The following PRDM16 variants were observed in gnomAD, a reference collection of about 807,000 sequenced individuals.
PRDM16 encodes the protein histone-lysine N-methyltransferase PRDM16.
PRDM16 carries 23 observed loss-of-function variants against 110.6 expected under a neutral mutation model. That is an observed-to-expected ratio of 0.21 (90% CI 0.15 to 0.29). The LOEUF is 0.29. PRDM16 is among the 10% of genes least tolerant of loss of function. The pLI, the probability that PRDM16 is intolerant of heterozygous loss-of-function variation, is 1.00. For synonymous variants in PRDM16, 799 were observed against 781.8 expected, an observed-to-expected ratio of 1.02 and a Z score of -0.37; for missense variants, 1,615 against 1,794.3, an observed-to-expected ratio of 0.90 and a Z score of 1.81.
At position 3,143,991 on chromosome 1, in the gene PRDM16, C is replaced by T. The variant is rs780899023; in HGVS notation, c.38-42134C>T. Among the ~76,000 whole-genome samples the T allele has an allele frequency of 1.5e-4, 23 of 152,202 alleles. No homozygotes were observed. Among genetic ancestry groups the T allele is most frequent in the Admixed American group, 5.9e-4 (9 of 15,280 alleles). On this transcript the variant is annotated intron_variant, in intron 1 of 16. Coordinates refer to ENST00000270722, the MANE Select transcript of PRDM16 (RefSeq NM_022114.4). This position sits in a 1 kb window ranked among gnomAD's most constrained non-coding sequence, Gnocchi z 4.5. ...GAAGATGCTAAGGGGTCCTCTTTGCCGCCTGTGAAGACAGCTGCGTGGCCA... is the reference window on the plus strand; with the variant it reads ...GAAGATGCTAAGGGGTCCTCTTTGCTGCCTGTGAAGACAGCTGCGTGGCCA...
intron 3 of PRDM16, among the ~76,000 whole-genome samples, chr1:3,338,743 G>A (rs560116957): frequency 6.6e-6 from 1 of 152,366 alleles, no homozygotes; most frequent in South Asian, 2.1e-4. Flanking sequence ...AGCCCCAGAG[G>A]CAGCCAGGAC....
intron 1 of PRDM16, among the ~76,000 whole-genome samples, chr1:3,155,461 G>A (rs1225057576): frequency 6.6e-6 from 1 of 152,194 alleles, no homozygotes; most frequent in African/African-American, 2.4e-5. Flanking sequence ...TTGCACCGTG[G>A]TGTTCTCTGA....
Position 3,200,220 on chromosome 1 carries a change from G to C in PRDM16, c.387+13746G>C, listed in dbSNP as rs141755453. On this transcript the variant is annotated intron_variant, in intron 2 of 16. Transcript: ENST00000270722. ...CAAGGGCCTGGGGAGAGGGGCCTGG[G>C]GGTCTGGCCTGCCGGCCGAGGCTGC... Among the ~76,000 whole-genome samples the C allele has an allele frequency of 3.3e-5, 5 of 152,386 alleles. No homozygotes were observed. The East Asian group carries it at 9.7e-4, about 29-fold the overall frequency.
chr1:3,188,648 G>T (rs886268035), intron 2 of PRDM16, among the ~76,000 whole-genome samples: 2 of 152,238 alleles, frequency 1.3e-5, no homozygotes, highest in South Asian at 4.1e-4. Context: ...GCACCCGGCA[G>T]GATCTCGCCT....
rs570413433 is a variant in PRDM16, at chr1:3,188,018, G to A, written c.387+1544G>A. On this transcript the variant is annotated intron_variant, in intron 2 of 16. Transcript: ENST00000270722. ...TTCGGGAGAGACTGGCCAGGGCCAG[G>A]GGCCCCAGTGAAGCAGGACAGGGAG... 1.3e-3 allele frequency among the ~76,000 whole-genome samples: 201 copies of A among 152,332 alleles called. 1 individual carries two copies. The highest frequency in any genetic ancestry group is 2.3e-3 in the Non-Finnish European group (159 of 68,030).
intron 3 of PRDM16, among the ~76,000 whole-genome samples, chr1:3,369,774 T>C (rs1642877845): frequency 6.6e-6 from 1 of 152,184 alleles, no homozygotes; most frequent in Non-Finnish European, 1.5e-5. Flanking sequence ...GAAACCAGAG[T>C]TGGCTATTTG....
intron 2 of PRDM16, among the ~76,000 whole-genome samples, chr1:3,225,648 CTTATT>C (rs1321404995): frequency 6.6e-6 from 1 of 151,504 alleles, no homozygotes; most frequent in Admixed American, 6.6e-5. Flanking sequence ...AGAATTCTAA[CTTATT>C]TTGGCGTGGA....
intron 3 of PRDM16, among the ~76,000 whole-genome samples, chr1:3,285,999 G>A (rs576713300): frequency 1.2e-4 from 19 of 152,338 alleles, no homozygotes; most frequent in South Asian, 1.0e-3. Context: ...TCAATAAATT[G>A]ATCATATTGT....
intron 1 of PRDM16, among the ~76,000 whole-genome samples, chr1:3,168,974 C>T (rs977196483): frequency 2.0e-5 from 3 of 152,174 alleles, no homozygotes; most frequent in Admixed American, 6.5e-5. Context: ...GGTTCAGGAC[C>T]AGTGCAAGGG....
chr1:3,394,663 C>G (rs1643357873), intron 4 of PRDM16, among the ~76,000 whole-genome samples: 1 of 152,200 alleles, frequency 6.6e-6, no homozygotes, highest in Non-Finnish European at 1.5e-5. Context: ...ATCAGCCAGG[C>G]CGGGCAGTCA....
intron 2 of PRDM16, among the ~76,000 whole-genome samples, chr1:3,227,344 C>G (rs1030040669): frequency 2.6e-5 from 4 of 152,272 alleles, no homozygotes; most frequent in African/African-American, 7.2e-5. Context: ...GGACAGGAAC[C>G]AGAGTCCTGC....
rs1239164684 is a variant in PRDM16 at position 3,175,419 on chromosome 1, A to G, written c.38-10706A>G. ...GCTCTCCCCGATCAGCTCTCCCACA[A>G]CCACAGCCTGCCTGATGCGCCCACC... On this transcript the variant is annotated intron_variant, in intron 1 of 16. Coordinates refer to ENST00000270722, the MANE Select transcript of PRDM16 (RefSeq NM_022114.4). This position sits in a 1 kb window ranked among gnomAD's most constrained non-coding sequence, Gnocchi z 4.8. 6.6e-6 allele frequency among the ~76,000 whole-genome samples: 1 copy of G among 152,030 alleles called. No individual in the cohort carries two copies. Among genetic ancestry groups the G allele is most frequent in the Non-Finnish European group, 1.5e-5 (1 of 67,990 alleles).
At position 3,105,594 on chromosome 1, in the gene PRDM16, A is replaced by G. The variant is rs537508145; in HGVS notation, c.37+36298A>G. On this transcript the variant is annotated intron_variant, in intron 1 of 16. Coordinates refer to ENST00000270722, the MANE Select transcript of PRDM16 (RefSeq NM_022114.4). ...AGATGTGAGCCTAGCGCTGTCCCCA[A>G]TCCCTTCCTCATGACTGTGATTAGT... 6.6e-5 allele frequency among the ~76,000 whole-genome samples: 10 copies of G among 152,326 alleles called. No homozygotes were observed. The East Asian group carries it at 1.2e-3, about 18-fold the overall frequency.
intron 1 of PRDM16, among the ~76,000 whole-genome samples, chr1:3,115,692 GCTGGCCTGGGCGT>G (rs1390789861): frequency 6.6e-6 from 1 of 152,178 alleles, no homozygotes; most frequent in African/African-American, 2.4e-5. Context: ...GGGGGCTGCC[GCTGGCCTGGGCGT>G]CTAGCCCTTG....
chr1:3,076,363 G>A (rs556857551), intron 1 of PRDM16, among the ~76,000 whole-genome samples: 2 of 152,320 alleles, frequency 1.3e-5, no homozygotes, highest in East Asian at 1.9e-4. Context: ...GGATCTGTTG[G>A]GGCGGGGAGA....
intron 3 of PRDM16, among the ~76,000 whole-genome samples, chr1:3,325,728 G>A (rs1641874310): frequency 6.6e-6 from 1 of 152,202 alleles, no homozygotes; most frequent in Non-Finnish European, 1.5e-5. Context: ...GGTGTTGCTG[G>A]CCATCCTTGG....
At chr1:3,324,051 AG>A (rs1641829106) in intron 3 of PRDM16, among the ~76,000 whole-genome samples, 1 of 152,084 alleles carries the variant, frequency 6.6e-6, no homozygotes, top group South Asian at 2.1e-4. Context: ...GGTTGGGAGG[AG>A]GATCTACCAG....
intron 3 of PRDM16, among the ~76,000 whole-genome samples, chr1:3,304,750 G>A (rs548337062): frequency 3.1e-4 from 41 of 132,582 alleles, no homozygotes; most frequent in Non-Finnish European, 4.8e-4. Flanking sequence ...TTCGCTCCCT[G>A]CAGGGGCCAA....
intron 3 of PRDM16, among the ~76,000 whole-genome samples, chr1:3,269,875 G>T (rs565172060): frequency 2.7e-5 from 4 of 149,488 alleles, no homozygotes; most frequent in Non-Finnish European, 3.0e-5. Context: ...TCCCAGAGGA[G>T]GAAAGTCCCA....
Sources: gnomAD v4.1 joint callset for allele counts (sites outside exome capture counted in the v4.1 genomes callset) on GRCh38, gnomAD v4.1.1 for gene constraint, Gnocchi (gnomAD v3.1) non-coding constraint, MANE v1.5 for transcripts, NCBI Gene and HGNC (gene_info 2026-07-23, HGNC 2026-07-21) for gene names.